Variants in DYM observed in about 807,000 individuals in gnomAD.
DYM encodes the protein dymeclin.
DYM carries 78 observed loss-of-function variants against 93.1 expected under a neutral mutation model. The ratio of observed to expected loss-of-function variants is 0.84; its 90% CI spans 0.70 to 1.01. The LOEUF (loss-of-function observed/expected upper bound fraction) is 1.01, where lower values mean the gene tolerates loss of function less well. Ranked by LOEUF, DYM falls within the 50% of genes least tolerant of loss-of-function variation. DYM has a pLI of 0.00. For missense variants in DYM, 789 were observed against 845.0 expected, an observed-to-expected ratio of 0.93 and a Z score of 0.82; for synonymous variants, 321 against 319.7, an observed-to-expected ratio of 1.00 and a Z score of -0.04.
intron 3 of DYM, among the ~76,000 whole-genome samples, chr18:49,389,458 G>T (rs1207435526): frequency 6.6e-6 from 1 of 152,068 alleles, no homozygotes; most frequent in Non-Finnish European, 1.5e-5. Flanking sequence ...TTACATTTTA[G>T]TATGCTTTCC....
At chr18:49,193,971 C>T (rs77597516) in intron 14 of DYM, among the ~76,000 whole-genome samples, 4,448 of 152,272 alleles carry the variant, frequency 0.029, 211 homozygotes, top group African/African-American at 0.1. Flanking sequence ...AGGTGAAACA[C>T]TAACTTCTGA....
chr18:49,195,145 A>G (rs1568577558), intron 14 of DYM, among the ~76,000 whole-genome samples: 1 of 152,146 alleles, frequency 6.6e-6, no homozygotes, highest in Non-Finnish European at 1.5e-5. Flanking sequence ...TATTTAATTA[A>G]TGGTCATATA....
At chr18:49,288,577 G>A (rs557619955) in intron 8 of DYM, among the ~76,000 whole-genome samples, 46 of 152,102 alleles carry the variant, frequency 3.0e-4, no homozygotes, top group African/African-American at 1.0e-3. Flanking sequence ...TCAGGAGTTC[G>A]AGACCAGCCT....
At position 49,313,030 on chromosome 18, in the gene DYM, C is replaced by A. The variant is rs192761481; in HGVS notation, c.763+18834G>T. ...GCTATCAGAAGCATTTAAACCATAG[C>A]AACTCCATCTTGAATAGGAGCTAGG... On this transcript the variant is annotated intron_variant, in intron 8 of 17. Coordinates refer to ENST00000675505, the MANE Select transcript of DYM (RefSeq NM_001353214.3). 1.2e-4 allele frequency among the ~76,000 whole-genome samples: 18 copies of A among 152,288 alleles called. 1 individual carries two copies. The East Asian group carries it at 3.5e-3, about 29-fold the overall frequency.
chr18:49,350,241 G>A (rs925143846), intron 6 of DYM, among the ~76,000 whole-genome samples: 1 of 152,108 alleles, frequency 6.6e-6, no homozygotes, highest in African/African-American at 2.4e-5. Context: ...GTAAAAGACT[G>A]GAAATGAACT....
intron 3 of DYM, among the ~76,000 whole-genome samples, chr18:49,391,147 C>G (rs111260970): frequency 0.011 from 1,661 of 152,276 alleles, 29 homozygotes; most frequent in African/African-American, 0.038. Flanking sequence ...AATTAAGGCT[C>G]AGCTAATAGG....
chr18:49,375,229 C>T (rs12961531), intron 5 of DYM, among the ~76,000 whole-genome samples: 73,618 of 145,706 alleles, frequency 0.51, 20,294 homozygotes, highest in Non-Finnish European at 0.6. Context: ...CACACACACA[C>T]ATCTATACCT....
At chr18:49,216,054 T>G (rs922151163) in intron 13 of DYM, among the ~76,000 whole-genome samples, 1 of 152,316 alleles carries the variant, frequency 6.6e-6, no homozygotes, top group East Asian at 1.9e-4. Flanking sequence ...ACCCTAATAC[T>G]GCGCTTTTCC....
chr18:49,417,700 T>C (rs1010565102), intron 2 of DYM, among the ~76,000 whole-genome samples: 1 of 152,240 alleles, frequency 6.6e-6, no homozygotes, highest in Non-Finnish European at 1.5e-5. Flanking sequence ...TGCATATTTG[T>C]TTGCATATGC....
At chr18:49,054,538 G>A (rs900227859) in intron 17 of DYM, among the ~76,000 whole-genome samples, 1 of 152,140 alleles carries the variant, frequency 6.6e-6, no homozygotes, top group Admixed American at 6.5e-5. Flanking sequence ...CCACTGTGCT[G>A]GGCCAGAACT....
intron 17 of DYM, among the ~76,000 whole-genome samples, chr18:49,064,884 A>G (rs983759310): frequency 3.3e-5 from 5 of 150,654 alleles, no homozygotes; most frequent in Non-Finnish European, 7.4e-5. Context: ...TAATGTATCT[A>G]GTATGAATTT....
intron 6 of DYM, among the ~76,000 whole-genome samples, chr18:49,361,226 A>C (rs1217564646): frequency 6.6e-6 from 1 of 151,916 alleles, no homozygotes; most frequent in African/African-American, 2.4e-5. Flanking sequence ...CTAGGCAATG[A>C]CTCTTCAGCT....
intron 17 of DYM, among the ~76,000 whole-genome samples, chr18:49,069,804 A>G (rs1237399049): frequency 6.6e-6 from 1 of 152,176 alleles, no homozygotes; most frequent in East Asian, 1.9e-4. Flanking sequence ...GCACTTTGGG[A>G]GGCCAAGGCA....
chr18:49,143,000 A>G (rs1178043957), intron 15 of DYM, among the ~76,000 whole-genome samples: 2 of 152,236 alleles, frequency 1.3e-5, no homozygotes, highest in Non-Finnish European at 2.9e-5. Context: ...AATATATGGA[A>G]AAGACCTTTT....
intron 1 of DYM, among the ~76,000 whole-genome samples, chr18:49,434,028 G>A (rs2080580740): frequency 6.6e-6 from 1 of 152,088 alleles, no homozygotes; most frequent in African/African-American, 2.4e-5. Flanking sequence ...TGACCAATAG[G>A]ATGAAACCCT....
chr18:49,366,497 G>T (rs1471149790), intron 5 of DYM, among the ~76,000 whole-genome samples: 2 of 152,136 alleles, frequency 1.3e-5, no homozygotes, highest in Admixed American at 1.3e-4. Context: ...TCTCTCCTAA[G>T]AGTTCTCTCT....
At chr18:49,289,644 G>A (rs1213275119) in intron 8 of DYM, among the ~76,000 whole-genome samples, 1 of 147,512 alleles carries the variant, frequency 6.8e-6, no homozygotes, top group African/African-American at 2.5e-5. Context: ...CCAGGAGGTT[G>A]AGGCTACAGT....
At chr18:49,070,400 C>T (rs1298161411) in intron 17 of DYM, among the ~76,000 whole-genome samples, 1 of 152,174 alleles carries the variant, frequency 6.6e-6, no homozygotes, top group African/African-American at 2.4e-5. Flanking sequence ...GACTGCAGGA[C>T]TGGGGACTCA....
rs1466976071 is a variant in DYM, at chr18:49,308,944, G to A, written c.764-22328C>T. Among the ~76,000 whole-genome samples, 3 of 152,056 alleles carry A rather than the reference G, an allele frequency of 2.0e-5. No homozygotes were observed. The South Asian group carries it at 6.2e-4, about 32-fold the overall frequency. On this transcript the variant is annotated intron_variant, in intron 8 of 17. Coordinates refer to ENST00000675505, the MANE Select transcript of DYM (RefSeq NM_001353214.3). ...CATAGGCTGAAGGCTAAATAAACTT[G>A]GGTAGATCCATATAATACACCATTA...
Sources: allele counts gnomAD v4.1 joint callset (sites outside exome capture counted in the v4.1 genomes callset), GRCh38; gene constraint gnomAD v4.1.1; transcripts MANE v1.5; gene names NCBI Gene and HGNC (gene_info 2026-07-23, HGNC 2026-07-21).